The following CTNND2 variants were observed in gnomAD, a reference collection of about 807,000 sequenced individuals.
CTNND2 encodes catenin delta-2.
CTNND2 carries 22 observed loss-of-function variants against 144.4 expected under a neutral mutation model. That is an observed-to-expected ratio of 0.15 (90% CI 0.11 to 0.22). The LOEUF (loss-of-function observed/expected upper bound fraction) is 0.22, where lower values mean the gene tolerates loss of function less well. Among genes scored for constraint, CTNND2 ranks in the 10% least tolerant of loss-of-function variants. The pLI is 1.00. For missense variants in CTNND2, 1,353 were observed against 1,618.8 expected (o/e 0.84, Z 2.82); for synonymous variants, 751 against 695.6 (o/e 1.08, Z -1.25).
At chr5:11,214,575 T>A (rs1738976175) in intron 10 of CTNND2, among the ~76,000 whole-genome samples, 1 of 152,156 alleles carries the variant, frequency 6.6e-6, no homozygotes, top group Non-Finnish European at 1.5e-5. Flanking sequence ...AGTCATATTT[T>A]CAAAAAACAT....
At chr5:11,360,534 C>T (rs566757323) in intron 8 of CTNND2, among the ~76,000 whole-genome samples, 4 of 152,156 alleles carry the variant, frequency 2.6e-5, no homozygotes, top group East Asian at 3.9e-4. Context: ...AGCTGTAGCA[C>T]CGAATGAGGA....
At chr5:11,861,364 C>G (rs1795496945) in intron 1 of CTNND2, among the ~76,000 whole-genome samples, 1 of 152,132 alleles carries the variant, frequency 6.6e-6, no homozygotes, top group South Asian at 2.1e-4. Context: ...CCTCTCCCAC[C>G]CAAACTTCAT....
intron 1 of CTNND2, among the ~76,000 whole-genome samples, chr5:11,872,747 T>G (rs1246333981): frequency 6.6e-6 from 1 of 152,204 alleles, no homozygotes; most frequent in African/African-American, 2.4e-5. Flanking sequence ...TCTTGTAAAT[T>G]TGTTTAAGTT....
At chr5:11,133,581 G>A (rs1755829128) in intron 12 of CTNND2, among the ~76,000 whole-genome samples, 1 of 152,108 alleles carries the variant, frequency 6.6e-6, no homozygotes, top group African/African-American at 2.4e-5. Context: ...CGAATTCCTG[G>A]CCTCAGGTGA....
At chr5:11,289,645 C>G (rs969378626) in intron 9 of CTNND2, among the ~76,000 whole-genome samples, 3 of 152,188 alleles carry the variant, frequency 2.0e-5, no homozygotes, top group Admixed American at 2.0e-4. Context: ...AAACAGACAA[C>G]AACAGCAACT....
chr5:11,879,907 G>A (rs1413962992), intron 1 of CTNND2, among the ~76,000 whole-genome samples: 1 of 152,124 alleles, frequency 6.6e-6, no homozygotes, highest in East Asian at 1.9e-4. Flanking sequence ...GGCCCACTCG[G>A]CCTGACGAAA....
intron 3 of CTNND2, among the ~76,000 whole-genome samples, chr5:11,551,275 C>T (rs550655613): frequency 8.8e-4 from 134 of 152,184 alleles, no homozygotes; most frequent in African/African-American, 3.1e-3. Context: ...TCCCTCTGAG[C>T]AATGCCTTTA....
At chr5:11,781,096 G>T (rs541306557) in intron 1 of CTNND2, among the ~76,000 whole-genome samples, 1 of 152,178 alleles carries the variant, frequency 6.6e-6, no homozygotes, top group Admixed American at 6.5e-5. Context: ...TTCAAGGTAG[G>T]CATGGAAGAG....
At chr5:10,999,155 A>AAGTT (rs113864628) in intron 18 of CTNND2, among the ~76,000 whole-genome samples, 319 of 152,354 alleles carry the variant, frequency 2.1e-3, no homozygotes, top group African/African-American at 7.3e-3. Context: ...TAAGAAGGGA[A>AAGTT]AGTTATTGCT....
At chr5:11,071,159 G>T (rs1017716224) in intron 16 of CTNND2, among the ~76,000 whole-genome samples, 1 of 152,192 alleles carries the variant, frequency 6.6e-6, no homozygotes, top group Admixed American at 6.5e-5. Flanking sequence ...CTGCCGGAAG[G>T]TTCCAGCAAG....
intron 3 of CTNND2, among the ~76,000 whole-genome samples, chr5:11,457,428 G>A (rs1318097328): frequency 6.6e-6 from 1 of 152,074 alleles, no homozygotes; most frequent in Non-Finnish European, 1.5e-5. Context: ...CATGACAATT[G>A]ACTTCAGTCA....
intron 17 of CTNND2, 141 bp from the exon 18 acceptor site, chr5:11,018,199 A>G: frequency 1.6e-6 from 1 of 615,382 alleles, no homozygotes; most frequent in Non-Finnish European, 3.0e-6. Context: ...TGATATTACT[A>G]CTGTAATTGT....
At chr5:10,995,457 A>G (rs1470768740) in intron 18 of CTNND2, among the ~76,000 whole-genome samples, 1 of 152,210 alleles carries the variant, frequency 6.6e-6, no homozygotes, top group Non-Finnish European at 1.5e-5. Flanking sequence ...CGTGACGGGG[A>G]CAAAAGTGCT....
intron 16 of CTNND2, among the ~76,000 whole-genome samples, chr5:11,044,461 A>C (rs982899082): frequency 6.6e-6 from 1 of 151,864 alleles, no homozygotes; most frequent in African/African-American, 2.4e-5. Context: ...TTCTATGTAC[A>C]TTTCATAATC....
intron 1 of CTNND2, among the ~76,000 whole-genome samples, chr5:11,800,397 T>C (rs1468358081): frequency 1.3e-5 from 2 of 152,174 alleles, no homozygotes; most frequent in Non-Finnish European, 2.9e-5. Context: ...AAATTCAATA[T>C]AGATAGGATC....
chr5:11,714,213 C>A (rs1358917833), intron 2 of CTNND2, among the ~76,000 whole-genome samples: 1 of 152,146 alleles, frequency 6.6e-6, no homozygotes, highest in African/African-American at 2.4e-5. Context: ...AAAAGGGAAA[C>A]CCTATCAGAA....
intron 6 of CTNND2, among the ~76,000 whole-genome samples, chr5:11,391,054 C>T (rs1465071703): frequency 6.6e-6 from 1 of 151,962 alleles, no homozygotes; most frequent in East Asian, 1.9e-4. Context: ...CATTGGAGCT[C>T]ATGTGTGAGG....
At chr5:11,670,374 G>T (rs996752387) in intron 2 of CTNND2, among the ~76,000 whole-genome samples, 1 of 152,146 alleles carries the variant, frequency 6.6e-6, no homozygotes, top group Admixed American at 6.6e-5. Context: ...TTATTATTGT[G>T]TGGGAGTCTA....
intron 2 of CTNND2, among the ~76,000 whole-genome samples, chr5:11,578,669 GAATAAATA>G (rs57654816): frequency 5.4e-4 from 79 of 146,102 alleles, no homozygotes; most frequent in African/African-American, 7.8e-4. Flanking sequence ...ACAAATACAT[GAATAAATA>G]AATAAATAAA....
Sources: allele counts gnomAD v4.1 joint callset (sites outside exome capture counted in the v4.1 genomes callset), GRCh38; gene constraint gnomAD v4.1.1; transcripts MANE v1.5; gene names NCBI Gene and HGNC (gene_info 2026-07-23, HGNC 2026-07-21).